Variants in C2orf42 observed in about 807,000 individuals in gnomAD.
C2orf42 encodes uncharacterized protein C2orf42.
A neutral mutation model predicts 58.9 loss-of-function variants in C2orf42; 44 were observed. The observed-to-expected ratio is 0.75, with a 90% CI of 0.59 to 0.96. C2orf42 has a LOEUF of 0.96. C2orf42 is among the 40% of genes least tolerant of loss of function. The pLI, the probability that C2orf42 is intolerant of heterozygous loss-of-function variation, is 0.00. For synonymous variants in C2orf42, 239 were observed against 265.4 expected, an observed-to-expected ratio of 0.90 and a Z score of 0.97; for missense variants, 630 against 699.2, an observed-to-expected ratio of 0.90 and a Z score of 1.12.
intron 1 of C2orf42, among the ~76,000 whole-genome samples, chr2:70,187,063 C>G (rs1558692728): frequency 6.6e-6 from 1 of 151,890 alleles, no homozygotes; most frequent in Non-Finnish European, 1.5e-5. Flanking sequence ...TGTAACTAAC[C>G]TGCACATTGT....
intron 6 of C2orf42, among the ~76,000 whole-genome samples, chr2:70,166,325 G>A (rs565543549): frequency 6.6e-6 from 1 of 150,540 alleles, no homozygotes; most frequent in South Asian, 2.1e-4. Context: ...CTGCACTCCA[G>A]CCTGGGCAAC....
Position 70,187,663 on chromosome 2 carries a change from A to G in C2orf42, c.-282+3310T>C, listed in dbSNP as rs193090626. On this transcript the variant is annotated intron_variant, in intron 1 of 9. Transcript: ENST00000264434. ...GCTTTCAATTTTGCAATAATTTTAG[A>G]AAATTTATTTCAACACATTTATTAC... 2.4e-4 allele frequency among the ~76,000 whole-genome samples: 37 copies of G among 152,278 alleles called. 1 individual carries two copies. Among genetic ancestry groups the G allele is most frequent in the Admixed American group, 2.2e-3 (34 of 15,270 alleles).
chr2:70,164,439 C>G (rs927885787), intron 8 of C2orf42, among the ~76,000 whole-genome samples: 1 of 151,942 alleles, frequency 6.6e-6, no homozygotes, highest in Admixed American at 6.6e-5. Context: ...TGAGACTAGC[C>G]TGGCCTACAT....
chr2:70,168,645 C>T (rs1027539948), intron 6 of C2orf42, among the ~76,000 whole-genome samples: 3 of 151,092 alleles, frequency 2.0e-5, no homozygotes, highest in African/African-American at 4.9e-5. Context: ...AAACTGGTGA[C>T]GTTCCATGAG....
In C2orf42 at chr2:70,179,589, A is replaced by G. The variant is rs147618030; in HGVS notation, c.877T>C (p.Ser293Pro). The G allele has an allele frequency of 2.6e-4, 411 of 1,573,770 alleles. No individual in the cohort carries two copies. In the African/African-American group the frequency reaches 4.8e-3, roughly 18 times the overall value. ...QLGCHSESTV[S>P]ACESTASKSK... ...TTAGAGGCAGTAGACTCACAAGCAG[A>G]TACTGTTGATTCTGAATGGCAACCT... Residue 293 changes from serine to proline, a missense_variant, in exon 4 of 10, where the codon TCT (serine) becomes CCT (proline). By Grantham distance (74) the Ser-to-Pro change is moderately conservative. Coordinates refer to ENST00000264434, the MANE Select transcript of C2orf42 (RefSeq NM_017880.3).
Position 70,165,548 on chromosome 2 carries a change from C to A in C2orf42, c.1232G>T (p.Arg411Leu), listed in dbSNP as rs763624267. ...TGTACCTGTGGTGGAGTTGGGGAGC[C>A]GTTTTTTTGCACTTCCTATAGATAT... ...QRISIGSAKK[R>L]LPNSTTAFVR... Residue 411 changes from arginine to leucine, a missense_variant, in exon 7 of 10, where the codon CGG becomes CTG. Arg to Leu is a moderately radical substitution (Grantham distance 102). Transcript: ENST00000264434. 6.2e-7 allele frequency: 1 copy of A among 1,601,674 alleles called. No homozygotes were observed. The highest frequency in any genetic ancestry group is 1.3e-5 in the African/African-American group (1 of 74,768).
Position 70,150,195 on chromosome 2 carries a change from TTTC to T in C2orf42, c.*158_*160del. 1 of 631,876 alleles carries T rather than the reference TTTC, an allele frequency of 1.6e-6. No homozygotes were observed. Among genetic ancestry groups the T allele is most frequent in the South Asian group, 1.9e-5 (1 of 52,684 alleles). 39.1% of individuals were successfully genotyped at this position (631,876 alleles called of 1,614,324 possible). A position where few individuals can be genotyped will look rare whatever the true frequency, so the allele number is the denominator to read the frequency against. On this transcript the variant is annotated 3_prime_UTR_variant, in exon 10 of 10. Transcript: ENST00000264434. The stretch of plus-strand genomic sequence containing the variant: ...ATCAAAAAGGCTATTTACAAGAGAT[TTTC>T]TTCAACAGAATCCACTTGAAAGCAC...
At chr2:70,173,922 C>T (rs1674008210) in intron 5 of C2orf42, among the ~76,000 whole-genome samples, 1 of 152,116 alleles carries the variant, frequency 6.6e-6, no homozygotes, top group African/African-American at 2.4e-5. Flanking sequence ...AACTTTGAAT[C>T]TCTATACCAA....
chr2:70,150,268 G>T lies in C2orf42; in HGVS notation c.*88C>A. On this transcript the variant is annotated 3_prime_UTR_variant, in exon 10 of 10. Transcript: ENST00000264434. ...TAAGAGCAGTTTACCAAGGAACAGG[G>T]CCATCTAAGTGCCTAACTAGCATTT... 9.4e-7 allele frequency: 1 copy of T among 1,069,216 alleles called. No individual in the cohort carries two copies. The highest frequency in any genetic ancestry group is 2.4e-5 in the East Asian group (1 of 42,250). The allele number at this position is 1,069,216 out of a possible 1,614,324, so 66.2% of individuals were successfully genotyped here.
At chr2:70,185,720 A>AAT (rs1254111161) in intron 1 of C2orf42, among the ~76,000 whole-genome samples, 33 of 150,930 alleles carry the variant, frequency 2.2e-4, no homozygotes, top group African/African-American at 3.4e-4. Flanking sequence ...CACAAAAAAA[A>AAT]ATATATATAT....
chr2:70,150,393 A>T lies in C2orf42; in HGVS notation c.1688T>A (p.Leu563Ter). ...AATAGTGGTCAGAGGGGCCAGTTCCAAGGGCTGGTCCAAGGGGGGCCGCTG... is the reference window on the plus strand; with the variant it reads ...AATAGTGGTCAGAGGGGCCAGTTCCTAGGGCTGGTCCAAGGGGGGCCGCTG... The part of the protein sequence containing the change: ...QDQRPPLDQP[L>*]ELAPLTTITF... The change falls in exon 10 of 10, where the codon TTG becomes TAG. Residue 563 changes from leucine (L) to a stop codon, truncating the protein, a stop_gained. Transcript: ENST00000264434. LOFTEE classifies it high-confidence loss of function. 1 of 1,614,116 alleles carries T rather than the reference A, an allele frequency of 6.2e-7. No homozygotes were observed. The highest frequency in any genetic ancestry group is 8.5e-7 in the Non-Finnish European group (1 of 1,180,004).
At position 70,187,138 on chromosome 2, in the gene C2orf42, C is replaced by A. The variant is rs1032955375; in HGVS notation, c.-282+3835G>T. Among the ~76,000 whole-genome samples the A allele has an allele frequency of 1.4e-4, 21 of 151,840 alleles. 1 individual carries two copies. In the South Asian group the frequency reaches 4.2e-3, roughly 30 times the overall value. ...AAAACAAAACAAAACAAAAAAAAAA[C>A]CTTTCTGTCATTAAGGGAGGAGGTG... On this transcript the variant is annotated intron_variant, in intron 1 of 9. Transcript: ENST00000264434.
chr2:70,178,424 T>C lies in C2orf42; in HGVS notation c.934+1108A>G, dbSNP rs368885362. 6.3e-4 allele frequency among the ~76,000 whole-genome samples: 95 copies of C among 151,640 alleles called. No homozygotes were observed. In the East Asian group the frequency reaches 0.016, roughly 26 times the overall value. ...GAGTTCAAGACCAGCCTGGCCAACA[T>C]GGCGAAACCCCGTCTCTACTAAAAA... On this transcript the variant is annotated intron_variant, in intron 4 of 9. Coordinates refer to ENST00000264434, the MANE Select transcript of C2orf42 (RefSeq NM_017880.3).
At chr2:70,183,652 G>A (rs1161781106) in intron 1 of C2orf42, among the ~76,000 whole-genome samples, 1 of 149,916 alleles carries the variant, frequency 6.7e-6, no homozygotes, top group Admixed American at 6.7e-5. Context: ...TCCTGACCTC[G>A]TGATCTGCCC....
At chr2:70,174,746 C>A (rs1674072533) in intron 5 of C2orf42, among the ~76,000 whole-genome samples, 1 of 151,376 alleles carries the variant, frequency 6.6e-6, no homozygotes, top group Admixed American at 6.6e-5. Flanking sequence ...TCTTGGCTCA[C>A]TGCAACCTCT....
intron 8 of C2orf42, 33 bp from the exon 9 acceptor site, chr2:70,160,820 G>C (rs1673012172): frequency 5.3e-6 from 8 of 1,502,078 alleles, no homozygotes; most frequent in Non-Finnish European, 7.2e-6. Flanking sequence ...AAAAAGGTGA[G>C]AGAGAAAACT....
chr2:70,152,059 G>C (rs1046921335), intron 9 of C2orf42, among the ~76,000 whole-genome samples: 8 of 152,268 alleles, frequency 5.3e-5, no homozygotes, highest in Admixed American at 2.6e-4. Context: ...TTACAGGCGT[G>C]AGCCACTGCG....
At chr2:70,188,417 T>C (rs1187808201) in intron 1 of C2orf42, among the ~76,000 whole-genome samples, 5 of 152,196 alleles carry the variant, frequency 3.3e-5, no homozygotes, top group Non-Finnish European at 5.9e-5. Context: ...CTCGAACTCC[T>C]GACCTCAAGT....
At chr2:70,165,427 T>C in intron 7 of C2orf42, 101 bp downstream of exon 7, 1 of 730,220 alleles carries the variant, frequency 1.4e-6, no homozygotes, top group South Asian at 1.7e-5. Context: ...GTAGAAGTCC[T>C]AACTCTGAAT....
Sources: allele counts gnomAD v4.1 joint callset (sites outside exome capture counted in the v4.1 genomes callset), GRCh38; gene constraint gnomAD v4.1.1; transcripts MANE v1.5; gene names NCBI Gene and HGNC (gene_info 2026-07-23, HGNC 2026-07-21).